Variants in GNAL observed in about 807,000 individuals in gnomAD.
GNAL encodes the protein guanine nucleotide-binding protein G(olf) subunit alpha.
GNAL carries 18 observed loss-of-function variants against 55.1 expected under a neutral mutation model. The ratio of observed to expected loss-of-function variants is 0.33; its 90% CI spans 0.23 to 0.48. The LOEUF (loss-of-function observed/expected upper bound fraction) is 0.48, where lower values mean the gene tolerates loss of function less well. Among genes scored for constraint, GNAL ranks in the 20% least tolerant of loss-of-function variants. The pLI, the probability that GNAL is intolerant of heterozygous loss-of-function variation, is 0.99. For synonymous variants in GNAL, 253 were observed against 237.0 expected (o/e 1.07, Z -0.62); for missense variants, 412 against 614.1 (o/e 0.67, Z 3.48).
At chr18:11,872,210 G>C (rs2036413947) in intron 9 of GNAL, 58 bp from the exon 10 acceptor site, 1 of 1,139,864 alleles carries the variant, frequency 8.8e-7, no homozygotes, top group Non-Finnish European at 1.3e-6. Context: ...TTCTATGTTA[G>C]AGGCACTTTC....
intron 1 of GNAL, among the ~76,000 whole-genome samples, chr18:11,750,442 C>G (rs991495598): frequency 6.6e-6 from 1 of 151,846 alleles, no homozygotes; most frequent in Non-Finnish European, 1.5e-5. Flanking sequence ...GCAGTCAGCC[C>G]GTCAGGAACG....
chr18:11,869,395 G>A (rs949630462), intron 9 of GNAL, among the ~76,000 whole-genome samples: 4 of 152,016 alleles, frequency 2.6e-5, no homozygotes, highest in Non-Finnish European at 4.4e-5. Flanking sequence ...CACCCACCTC[G>A]GCCTCCCAAA....
chr18:11,885,261 T>C lies in GNAL; in HGVS notation c.*4126T>C. 3.7e-6 allele frequency: 1 copy of C among 272,648 alleles called. No homozygotes were observed. The highest frequency in any genetic ancestry group is 3.7e-5 in the South Asian group (1 of 27,108). 16.9% of individuals were successfully genotyped at this position (272,648 alleles called of 1,614,324 possible). A position where few individuals can be genotyped will look rare whatever the true frequency, so the allele number is the denominator to read the frequency against. On this transcript the variant is annotated 3_prime_UTR_variant, in exon 12 of 12. Coordinates refer to ENST00000334049, the MANE Select transcript of GNAL (RefSeq NM_182978.4). ...GTTAAAACGCCCAGTGGTCATTAAGTGAAACATCTTTTATCAACCTGCAAA... is the reference window on the plus strand; with the variant it reads ...GTTAAAACGCCCAGTGGTCATTAAGCGAAACATCTTTTATCAACCTGCAAA...
chr18:11,824,887 T>TG, intron 4 of GNAL, 31 bp from the exon 5 acceptor site: 1 of 1,189,778 alleles, frequency 8.4e-7, no homozygotes, highest in Non-Finnish European at 1.2e-6. Flanking sequence ...ACACTTTTTT[T>TG]TTTTTAATTT....
intron 5 of GNAL, among the ~76,000 whole-genome samples, chr18:11,828,193 C>T (rs1018665574): frequency 1.3e-5 from 2 of 152,060 alleles, no homozygotes; most frequent in Non-Finnish European, 2.9e-5. Flanking sequence ...ATCTTTTCCT[C>T]TTACTCTCAC....
At chr18:11,872,100 T>C (rs752396550) in intron 9 of GNAL, among the ~76,000 whole-genome samples, 168 bp from the exon 10 acceptor site, 1 of 152,234 alleles carries the variant, frequency 6.6e-6, no homozygotes, top group Non-Finnish European at 1.5e-5. Context: ...CTATATTTGT[T>C]TATCATTCTT....
At chr18:11,732,392 G>A (rs1037374945) in intron 1 of GNAL, among the ~76,000 whole-genome samples, 1 of 152,168 alleles carries the variant, frequency 6.6e-6, no homozygotes, top group Non-Finnish European at 1.5e-5. Context: ...GTTATTCACT[G>A]TGCTTTTGAT....
Position 11,862,354 on chromosome 18 carries a change from G to A in GNAL, c.723-41G>A, listed in dbSNP as rs375784058. 2.7e-4 allele frequency: 412 copies of A among 1,552,410 alleles called. 4 individuals carry two copies. The South Asian group carries it at 2.7e-3, about 10-fold the overall frequency. On this transcript the variant is annotated intron_variant, in intron 5 of 11. Coordinates refer to ENST00000334049, the MANE Select transcript of GNAL (RefSeq NM_182978.4). ...TTCTCCCCAACCCCAGGGGAAAGTG[G>A]GCAGAGAACAGGCCTCAACCCTTGC...
intron 5 of GNAL, among the ~76,000 whole-genome samples, chr18:11,861,237 C>T (rs1368098575): frequency 6.6e-6 from 1 of 151,950 alleles, no homozygotes; most frequent in Non-Finnish European, 1.5e-5. Flanking sequence ...GAGCCTGGGC[C>T]CCCCCGACCC....
At chr18:11,879,020 G>A (rs2036597138) in intron 11 of GNAL, among the ~76,000 whole-genome samples, 1 of 151,610 alleles carries the variant, frequency 6.6e-6, no homozygotes, top group Non-Finnish European at 1.5e-5. Flanking sequence ...ACGAGTTAAT[G>A]GGTGCAGCAC....
chr18:11,719,244 C>T (rs2032040621), intron 1 of GNAL, among the ~76,000 whole-genome samples: 1 of 151,336 alleles, frequency 6.6e-6, no homozygotes, highest in South Asian at 2.1e-4. Context: ...ATGAAGACAC[C>T]AGTCACGTGA....
At chr18:11,829,966 G>A (rs1255401534) in intron 5 of GNAL, among the ~76,000 whole-genome samples, 2 of 152,076 alleles carry the variant, frequency 1.3e-5, no homozygotes, top group East Asian at 1.9e-4. Context: ...GCTGAAATCC[G>A]TGTACTCCAG....
rs60071996 is a variant in GNAL, at chr18:11,788,914, A to AAAAAAAAAT, written c.624+34970_624+34971insAAAAAAATA. Among the ~76,000 whole-genome samples, 195 of 56,290 alleles carry AAAAAAAAAT rather than the reference A, an allele frequency of 3.5e-3. 1 individual carries two copies. The highest frequency in any genetic ancestry group is 5.0e-3 in the African/African-American group (50 of 10,026). The allele number at this position is 56,290 out of a possible 152,430, so 36.9% of individuals were successfully genotyped here. A position where few individuals can be genotyped will look rare whatever the true frequency, so the allele number is the denominator to read the frequency against. Reference sequence around the variant, plus strand: ...TCCGTCTCGAAAAAAAAAAAAAAAAAATATATATATATATATATATATACA... The same window carrying AAAAAAAAAT: ...TCCGTCTCGAAAAAAAAAAAAAAAAAAAAAAAAATATATATATATATATATATATATACA... On this transcript the variant is annotated intron_variant, in intron 4 of 11. Coordinates refer to ENST00000334049, the MANE Select transcript of GNAL (RefSeq NM_182978.4).
intron 1 of GNAL, among the ~76,000 whole-genome samples, chr18:11,735,768 G>C (rs570897184): frequency 5.9e-4 from 80 of 134,662 alleles, no homozygotes; most frequent in African/African-American, 2.1e-3. Flanking sequence ...AAAAAAAAAA[G>C]AAAGAGAGAA....
chr18:11,780,119 A>AGAT (rs369153699), intron 4 of GNAL, among the ~76,000 whole-genome samples: 3 of 152,330 alleles, frequency 2.0e-5, no homozygotes, highest in Non-Finnish European at 4.4e-5. Flanking sequence ...TACATTTCTC[A>AGAT]GATGTAATAC....
Position 11,753,702 on chromosome 18 carries a change from AT to A in GNAL, c.504+22del. 1 of 1,550,046 alleles carries A rather than the reference AT, an allele frequency of 6.5e-7. No homozygotes were observed. Among genetic ancestry groups the A allele is most frequent in the Non-Finnish European group, 8.9e-7 (1 of 1,121,600 alleles). On this transcript the variant is annotated intron_variant, in intron 3 of 11. Transcript: ENST00000334049. ...ATCGTGGTAAGGACTTTTTTAAATG[AT>A]TGTTTACTAGAAAGGTCAAGTGCTC... is the stretch of plus-strand genomic sequence containing the variant.
chr18:11,769,040 T>C (rs1476496430), intron 4 of GNAL, among the ~76,000 whole-genome samples: 3 of 91,828 alleles, frequency 3.3e-5, no homozygotes, highest in Non-Finnish European at 5.5e-5. Context: ...TTATATATAA[T>C]ATATAATATA....
chr18:11,860,800 C>T (rs2036114500), intron 5 of GNAL, among the ~76,000 whole-genome samples: 1 of 152,196 alleles, frequency 6.6e-6, no homozygotes, highest in Non-Finnish European at 1.5e-5. Context: ...TTCTCCTCTT[C>T]CTGGTACAGG....
In GNAL at chr18:11,724,088, C is replaced by T. The variant is rs571523927; in HGVS notation, c.377-28765C>T. ...CAGCAACCAAATTTATTATCTTACC[C>T]GTCCTTAGGTTAGAAGCCTGCATTA... is the stretch of plus-strand genomic sequence containing the variant. On this transcript the variant is annotated intron_variant, in intron 1 of 11. Transcript: ENST00000334049. Among the ~76,000 whole-genome samples, 4 of 152,158 alleles carry T rather than the reference C, an allele frequency of 2.6e-5. No homozygotes were observed. In the South Asian group the frequency reaches 6.2e-4, roughly 24 times the overall value.
Sources: allele counts gnomAD v4.1 joint callset (sites outside exome capture counted in the v4.1 genomes callset), GRCh38; gene constraint gnomAD v4.1.1; transcripts MANE v1.5; gene names NCBI Gene and HGNC (gene_info 2026-07-23, HGNC 2026-07-21).